BICRA: variants seen among roughly 807,000 people sequenced by gnomAD.
BICRA encodes BRD4-interacting chromatin-remodeling complex-associated protein.
In BICRA, 31 loss-of-function variants were observed where a neutral mutation model predicts 96.9. That is an observed-to-expected ratio of 0.32 (90% CI 0.24 to 0.43). BICRA has a LOEUF of 0.43. BICRA is among the 20% of genes least tolerant of loss of function. The pLI, the probability that BICRA is intolerant of heterozygous loss-of-function variation, is 1.00. For synonymous variants in BICRA, 1,350 were observed against 1,071.8 expected, an observed-to-expected ratio of 1.26 and a Z score of -5.07; for missense variants, 2,283 against 2,190.3, an observed-to-expected ratio of 1.04 and a Z score of -0.84.
At chr19:47,693,298 G>T (rs1466418211) in intron 7 of BICRA, among the ~76,000 whole-genome samples, 1 of 152,254 alleles carries the variant, frequency 6.6e-6, no homozygotes, top group African/African-American at 2.4e-5. Flanking sequence ...GCGTGTGACA[G>T]AACTAGCACC....
At chr19:47,651,453 C>A (rs1211652844) in intron 1 of BICRA, among the ~76,000 whole-genome samples, 1 of 152,036 alleles carries the variant, frequency 6.6e-6, no homozygotes, top group African/African-American at 2.4e-5. Flanking sequence ...CTGTATGTAC[C>A]CCAGCCCTCC....
intron 2 of BICRA, among the ~76,000 whole-genome samples, chr19:47,671,107 T>C (rs1426675404): frequency 3.3e-5 from 5 of 152,326 alleles, no homozygotes; most frequent in Admixed American, 1.3e-4. Flanking sequence ...CCCACATGCA[T>C]GTTTTGGCAT....
Position 47,693,973 on chromosome 19 carries a change from G to A in BICRA, c.2284-142G>A. The stretch of plus-strand genomic sequence containing the variant: ...GGCGAGGGAGGGAAGGGCAGCCGTG[G>A]TGGGCTCCTCTCTCAGGATGGGTGT... On this transcript the variant is annotated intron_variant, in intron 7 of 14. Coordinates refer to ENST00000594866, the MANE Select transcript of BICRA (RefSeq NM_001394372.1). 3.1e-6 allele frequency: 3 copies of A among 982,288 alleles called. No individual in the cohort carries two copies. In the South Asian group the frequency reaches 5.5e-5, roughly 18 times the overall value. 60.8% of individuals were successfully genotyped at this position (982,288 alleles called of 1,614,324 possible).
chr19:47,663,417 A>C (rs1413964322), intron 1 of BICRA: 2 of 152,166 alleles, frequency 1.3e-5, no homozygotes, highest in African/African-American at 4.8e-5. Flanking sequence ...TCTTTTTGTC[A>C]GCTCCCATCA....
chr19:47,642,345 C>G (rs192514945), intron 1 of BICRA, among the ~76,000 whole-genome samples: 1 of 152,290 alleles, frequency 6.6e-6, no homozygotes, highest in East Asian at 1.9e-4. Flanking sequence ...TATCATTTCT[C>G]TTGGGCAAAT....
chr19:47,671,910 TG>T (rs1416397215), intron 2 of BICRA, among the ~76,000 whole-genome samples: 2 of 98,914 alleles, frequency 2.0e-5, no homozygotes, highest in African/African-American at 7.9e-5. Context: ...GATGGAGAGA[TG>T]GGTAAGTAGA....
chr19:47,640,289 T>C (rs922607662), intron 1 of BICRA, among the ~76,000 whole-genome samples: 8 of 152,130 alleles, frequency 5.3e-5, no homozygotes, highest in Admixed American at 2.6e-4. Context: ...CCCAGCACAT[T>C]GGGAGGCTGA....
chr19:47,630,286 G>C (rs184439798), intron 1 of BICRA, among the ~76,000 whole-genome samples: 1 of 150,184 alleles, frequency 6.7e-6, no homozygotes, highest in South Asian at 2.1e-4. Flanking sequence ...TCAGCCTTCT[G>C]AGTAGCTGGG....
At position 47,702,577 on chromosome 19, in the gene BICRA, A is replaced by G. The variant is rs1269935379; in HGVS notation, c.*162A>G. 2 of 831,646 alleles carry G rather than the reference A, an allele frequency of 2.4e-6. No individual in the cohort carries two copies. Among genetic ancestry groups the G allele is most frequent in the Non-Finnish European group, 3.5e-6 (2 of 579,250 alleles). The allele number at this position is 831,646 out of a possible 1,614,324, so 51.5% of individuals were successfully genotyped here. ...GGCCTCCTTCCCTGCCGCCTGCTTC[A>G]GCTGGGTTGCTGGGGGGTGGGCGTG... On this transcript the variant is annotated 3_prime_UTR_variant, in exon 15 of 15. Transcript: ENST00000594866.
Position 47,694,833 on chromosome 19 carries a change from G to A in BICRA, c.2896-67G>A, listed in dbSNP as rs1181463424. 4.0e-6 allele frequency: 5 copies of A among 1,259,464 alleles called. No homozygotes were observed. The East Asian group carries it at 1.2e-4, about 30-fold the overall frequency. 78.0% of individuals were successfully genotyped at this position (1,259,464 alleles called of 1,614,324 possible). A position where few individuals can be genotyped will look rare whatever the true frequency, so the allele number is the denominator to read the frequency against. On this transcript the variant is annotated intron_variant, in intron 8 of 14. Coordinates refer to ENST00000594866, the MANE Select transcript of BICRA (RefSeq NM_001394372.1). ...CGGCTCTGTGATCCTCCCCAGCCCT[G>A]CTGCGTCTGGACACCCCTACACCTA... is the stretch of plus-strand genomic sequence containing the variant.
Position 47,702,956 on chromosome 19 carries a change from C to T in BICRA, c.*541C>T. On this transcript the variant is annotated 3_prime_UTR_variant, in exon 15 of 15. Coordinates refer to ENST00000594866, the MANE Select transcript of BICRA (RefSeq NM_001394372.1). ...CGCAGGCACCCGTGTGACATCCGCA[C>T]GTCCAGCTCCGTGACCTGTGTGTGT... 1 of 162,742 alleles carries T rather than the reference C, an allele frequency of 6.1e-6. No homozygotes were observed. The highest frequency in any genetic ancestry group is 1.3e-5 in the Non-Finnish European group (1 of 79,982). The allele number at this position is 162,742 out of a possible 1,614,324, so 10.1% of individuals were successfully genotyped here. A position where few individuals can be genotyped will look rare whatever the true frequency, so the allele number is the denominator to read the frequency against.
At chr19:47,608,989 G>T (rs1275213155), upstream of BICRA, 1 of 145,652 alleles carries the variant, frequency 6.9e-6, no homozygotes, top group Non-Finnish European at 1.5e-5. Flanking sequence ...CGCGGGCCCG[G>T]GGCGCGCGGG....
At chr19:47,692,204 G>C (rs1251935519) in intron 7 of BICRA, among the ~76,000 whole-genome samples, 1 of 151,842 alleles carries the variant, frequency 6.6e-6, no homozygotes, top group Non-Finnish European at 1.5e-5. Context: ...CCCAAAGTGG[G>C]CAACCCCATA....
At chr19:47,610,617 CCA>C (rs1555783200) in intron 1 of BICRA, among the ~76,000 whole-genome samples, 1,860 of 146,490 alleles carry the variant, frequency 0.013, 46 homozygotes, top group African/African-American at 0.043. Flanking sequence ...CACCCCCCCC[CCA>C]CACACACACC....
intron 7 of BICRA, among the ~76,000 whole-genome samples, chr19:47,691,298 G>A (rs1042437594): frequency 1.3e-5 from 2 of 152,224 alleles, no homozygotes; most frequent in African/African-American, 4.8e-5. Flanking sequence ...GGGAGCCGCA[G>A]GCTTTTTATA....
chr19:47,699,212 A>G lies in BICRA; in HGVS notation c.3493-91A>G, dbSNP rs555317821. 1.1e-4 allele frequency: 97 copies of G among 879,338 alleles called. 1 individual carries two copies. The African/African-American group carries it at 1.6e-3, about 14-fold the overall frequency. The allele number at this position is 879,338 out of a possible 1,614,324, so 54.5% of individuals were successfully genotyped here. On this transcript the variant is annotated intron_variant, in intron 13 of 14. Coordinates refer to ENST00000594866, the MANE Select transcript of BICRA (RefSeq NM_001394372.1). The surrounding 1 kb of genome is among the most constrained non-coding windows in gnomAD (Gnocchi z 5.0). ...AGGCGGGAGCTCCCATCACAAGGAC[A>G]GTTTGGACCTTGCACGCATCGTCCC...
chr19:47,655,812 C>G (rs991641604), intron 1 of BICRA, among the ~76,000 whole-genome samples: 82 of 151,624 alleles, frequency 5.4e-4, no homozygotes, highest in African/African-American at 2.0e-3. Flanking sequence ...GCCGAGATCG[C>G]TGCACTGCAC....
chr19:47,678,405 C>T (rs1012213298), intron 5 of BICRA, among the ~76,000 whole-genome samples: 10 of 151,966 alleles, frequency 6.6e-5, no homozygotes, highest in Admixed American at 6.6e-5. Context: ...TGTGAGCCAC[C>T]GTGCCTAGAC....
At chr19:47,667,775 AATG>A (rs1369800455) in intron 1 of BICRA, among the ~76,000 whole-genome samples, 2 of 152,164 alleles carry the variant, frequency 1.3e-5, no homozygotes, top group Non-Finnish European at 2.9e-5. Context: ...GCATTCATAA[AATG>A]ATAACAGAGA....
Sources: allele counts gnomAD v4.1 joint callset (sites outside exome capture counted in the v4.1 genomes callset), GRCh38; gene constraint gnomAD v4.1.1; non-coding constraint Gnocchi (gnomAD v3.1); transcripts MANE v1.5; gene names NCBI Gene and HGNC (gene_info 2026-07-23, HGNC 2026-07-21).